Variants in MYO6 observed in about 807,000 individuals in gnomAD.
The protein encoded by MYO6 is myosin VI.
Under a neutral mutation model 178.7 loss-of-function variants are expected in MYO6, and 74 were observed. The observed-to-expected ratio is 0.41, with a 90% CI of 0.34 to 0.50. MYO6 has a LOEUF of 0.50. Among genes scored for constraint, MYO6 ranks in the 20% least tolerant of loss-of-function variants. The pLI is 0.09. For synonymous variants in MYO6, 477 were observed against 504.6 expected (o/e 0.95, Z 0.73); for missense variants, 1,330 against 1,547.4 (o/e 0.86, Z 2.36).
rs886061762 is a variant in MYO6, at chr6:75,880,118, A to G, written c.2284A>G (p.Lys762Glu). ...GLTKVFFRPG[K>E]FAEFDQIMKS... ...AACCAAAGTATTTTTTAGACCTGGC[A>G]AGGTAAATATACATTTTTTACTTTA... Residue 762 changes from lysine to glutamate, a missense_variant and splice_region_variant, in exon 22 of 35, where the codon AAG becomes GAG. By Grantham distance (56) the Lys-to-Glu change is moderately conservative. This residue lies in a region of MYO6 where 613 missense variants were observed against 816.8 expected (regional missense o/e 0.75). Transcript: ENST00000369977. 6 of 1,603,472 alleles carry G rather than the reference A, an allele frequency of 3.7e-6. No individual in the cohort carries two copies. In the South Asian group the frequency reaches 6.6e-5, roughly 18 times the overall value.
At chr6:75,759,180 A>G (rs1254948108) in intron 1 of MYO6, among the ~76,000 whole-genome samples, 1 of 152,150 alleles carries the variant, frequency 6.6e-6, no homozygotes, top group Non-Finnish European at 1.5e-5. Context: ...GTTTCTATAG[A>G]TCCGGTCATT....
intron 7 of MYO6, among the ~76,000 whole-genome samples, chr6:75,839,201 A>G (rs1773961442): frequency 1.3e-5 from 2 of 151,230 alleles, no homozygotes; most frequent in Admixed American, 1.3e-4. Context: ...TTATTTATTT[A>G]TTTTTTTGAG....
At chr6:75,806,638 GGCCCGC>G (rs929430222) in intron 1 of MYO6, among the ~76,000 whole-genome samples, 1 of 152,202 alleles carries the variant, frequency 6.6e-6, no homozygotes, top group Non-Finnish European at 1.5e-5. Context: ...AGGAACACCT[GGCCCGC>G]CCAGGGCGGA....
At chr6:75,806,565 G>T (rs1455718355) in intron 1 of MYO6, among the ~76,000 whole-genome samples, 1 of 152,190 alleles carries the variant, frequency 6.6e-6, no homozygotes, top group African/African-American at 2.4e-5. Flanking sequence ...GCAGCACTGT[G>T]ACATGTTCAT....
In MYO6 at chr6:75,782,445, A is replaced by AT. The variant is rs531603292; in HGVS notation, c.-48+33030dup. Among the ~76,000 whole-genome samples the AT allele has an allele frequency of 1.8e-3, 267 of 151,746 alleles. 1 individual carries two copies. Among genetic ancestry groups the AT allele is most frequent in the Admixed American group, 3.0e-3 (45 of 15,222 alleles). On this transcript the variant is annotated intron_variant, in intron 1 of 34. Coordinates refer to ENST00000369977, the MANE Select transcript of MYO6 (RefSeq NM_004999.4). ...GGAAGGGGCAGGACAGCATGAAAGT[A>AT]TTTTTTTTGTCATTCTTTATAGCTG...
At chr6:75,875,494 G>T (rs112650707) in intron 20 of MYO6, among the ~76,000 whole-genome samples, 4,600 of 152,184 alleles carry the variant, frequency 0.03, 137 homozygotes, top group Middle Eastern at 0.078. Context: ...GCTCATGCTG[G>T]TCTCCTGGTC....
intron 29 of MYO6, 48 bp from the exon 30 acceptor site, chr6:75,898,325 G>C (rs1403841993): frequency 8.2e-7 from 1 of 1,216,810 alleles, no homozygotes; most frequent in African/African-American, 1.5e-5. Context: ...ATTAATTTAT[G>C]TAGTATGACT....
At chr6:75,800,846 G>A (rs1454488045) in intron 1 of MYO6, among the ~76,000 whole-genome samples, 1 of 152,152 alleles carries the variant, frequency 6.6e-6, no homozygotes, top group East Asian at 1.9e-4. Flanking sequence ...TCAGCCACCT[G>A]AATAGCCGGA....
chr6:75,806,853 C>T lies in MYO6; in HGVS notation c.-47-10648C>T, dbSNP rs931154038. Among the ~76,000 whole-genome samples the T allele has an allele frequency of 5.9e-5, 9 of 152,162 alleles. No homozygotes were observed. The South Asian group carries it at 1.0e-3, about 18-fold the overall frequency. ...ATAAATACGTGGGTAAATGTCTGTT[C>T]GGGGCTCTCAGCTCTGAAGGCTGTG... On this transcript the variant is annotated intron_variant, in intron 1 of 34. Coordinates refer to ENST00000369977, the MANE Select transcript of MYO6 (RefSeq NM_004999.4).
intron 1 of MYO6, among the ~76,000 whole-genome samples, chr6:75,763,838 A>G (rs1047075286): frequency 2.6e-5 from 4 of 152,234 alleles, no homozygotes; most frequent in Non-Finnish European, 4.4e-5. Context: ...CAGTTGAAAG[A>G]CAAACTAGTC....
intron 14 of MYO6, among the ~76,000 whole-genome samples, chr6:75,860,729 T>C (rs796829106): frequency 1.2e-4 from 19 of 152,324 alleles, no homozygotes; most frequent in African/African-American, 3.8e-4. Flanking sequence ...GGACTCAAAT[T>C]TGATCATATA....
At chr6:75,844,153 A>G (rs1463629254) in intron 9 of MYO6, among the ~76,000 whole-genome samples, 1 of 152,164 alleles carries the variant, frequency 6.6e-6, no homozygotes, top group Admixed American at 6.5e-5. Context: ...TTTTTATTAG[A>G]AACAGTTTTT....
Position 75,866,874 on chromosome 6 carries a change from T to C in MYO6, c.1771-58T>C. 5 of 1,551,826 alleles carry C rather than the reference T, an allele frequency of 3.2e-6. No homozygotes were observed. The South Asian group carries it at 4.5e-5, about 14-fold the overall frequency. ...CAGAAAGTTCCTTTGGACAGAGCCA[T>C]GTTAAGTGATGTTATCACAAGATGG... On this transcript the variant is annotated intron_variant, in intron 17 of 34. Transcript: ENST00000369977.
At chr6:75,858,831 A>G in intron 13 of MYO6, 71 bp from the exon 14 acceptor site, 1 of 899,092 alleles carries the variant, frequency 1.1e-6, no homozygotes, top group Non-Finnish European at 1.8e-6. Flanking sequence ...TTACAATTAC[A>G]TTTTATCCTA....
intron 1 of MYO6, among the ~76,000 whole-genome samples, chr6:75,769,490 A>G (rs1380233074): frequency 6.6e-6 from 1 of 152,244 alleles, no homozygotes; most frequent in Non-Finnish European, 1.5e-5. Flanking sequence ...CAGTCATTAA[A>G]TCTTAAAGCT....
intron 7 of MYO6, among the ~76,000 whole-genome samples, chr6:75,837,384 C>T (rs1773749348): frequency 6.6e-6 from 1 of 152,196 alleles, no homozygotes; most frequent in Admixed American, 6.5e-5. Flanking sequence ...CATATTTTAA[C>T]ACTCTCTTGG....
chr6:75,787,677 TCTCTCTC>T (rs1767716694), intron 1 of MYO6, among the ~76,000 whole-genome samples: 1 of 12,420 alleles, frequency 8.1e-5, no homozygotes, highest in Non-Finnish European at 1.2e-4. Context: ...ATGGAACTAT[TCTCTCTC>T]TCTCTCTCTC....
chr6:75,794,040 A>G (rs1768523589), intron 1 of MYO6, among the ~76,000 whole-genome samples: 2 of 152,220 alleles, frequency 1.3e-5, no homozygotes, highest in Non-Finnish European at 2.9e-5. Context: ...ATCAGAGACA[A>G]TGGAGGGAAA....
chr6:75,848,553 G>C, intron 11 of MYO6, 22 bp downstream of exon 11: 1 of 1,599,768 alleles, frequency 6.3e-7, no homozygotes, highest in Non-Finnish European at 8.5e-7. Context: ...ATTTTTTTAA[G>C]AGGAAAAAAA....
Sources: gnomAD v4.1 joint callset for allele counts (sites outside exome capture counted in the v4.1 genomes callset) on GRCh38, gnomAD v4.1.1 for gene constraint, gnomAD v4.1.1 regional missense constraint, MANE v1.5 for transcripts, NCBI Gene and HGNC (gene_info 2026-07-23, HGNC 2026-07-21) for gene names.